The following MBNL2 variants were observed in gnomAD, a reference collection of about 807,000 sequenced individuals.
MBNL2 encodes muscleblind-like protein 2.
In MBNL2, 17 loss-of-function variants were observed where a neutral mutation model predicts 41.9. The observed-to-expected ratio is 0.41, with a 90% confidence interval of 0.28 to 0.61. The LOEUF is 0.61. MBNL2 is among the 20% of genes least tolerant of loss of function. The pLI is 0.35. For synonymous variants in MBNL2, 195 were observed against 182.9 expected (o/e 1.07, Z -0.53); for missense variants, 336 against 505.6 (o/e 0.66, Z 3.22).
At chr13:97,200,138 G>A in the MBNL2 span, among the ~76,000 whole-genome samples, 18 of 152,234 alleles carry the variant, frequency 1.2e-4, no homozygotes, top group Admixed American at 3.9e-4. Context: ...CAGCCTCCAT[G>A]CTGTGGGCCA....
At chr13:97,240,149 A>AG (rs2044003721) in intron 1 of MBNL2, among the ~76,000 whole-genome samples, 3 of 152,098 alleles carry the variant, frequency 2.0e-5, no homozygotes, top group Admixed American at 6.5e-5. Context: ...TGACTCGGGG[A>AG]GTCTGAGGTG....
intron 2 of MBNL2, among the ~76,000 whole-genome samples, chr13:97,303,937 T>C (rs906443984): frequency 1.3e-5 from 2 of 152,200 alleles, no homozygotes; most frequent in Non-Finnish European, 2.9e-5. Context: ...TTAGGCATAA[T>C]TGGATATACA....
chr13:97,147,569 A>T, the MBNL2 span, among the ~76,000 whole-genome samples: 4 of 152,090 alleles, frequency 2.6e-5, no homozygotes, highest in South Asian at 2.1e-4. Flanking sequence ...TCCATTTCTC[A>T]TGTTGTTTAA....
At position 97,366,328 on chromosome 13, in the gene MBNL2, G is replaced by T; in HGVS notation, c.1048+1157G>T. On this transcript the variant is annotated intron_variant, in intron 8 of 8. Coordinates refer to ENST00000679496, the MANE Select transcript of MBNL2 (RefSeq NM_001382683.1). The surrounding 1 kb of genome is among the most constrained non-coding windows in gnomAD (Gnocchi z 4.7). Reference sequence around the variant, plus strand: ...CCCATGCTTCCTTGCTTTGCATTGTGATTGCATGCCATCTGCTGGTTTAAC... The same window carrying T: ...CCCATGCTTCCTTGCTTTGCATTGTTATTGCATGCCATCTGCTGGTTTAAC... 5.1e-6 allele frequency: 3 copies of T among 583,958 alleles called. No individual in the cohort carries two copies. The highest frequency in any genetic ancestry group is 6.2e-6 in the Non-Finnish European group (2 of 320,868). The allele number at this position is 583,958 out of a possible 1,614,324, so 36.2% of individuals were successfully genotyped here.
chr13:97,265,230 ACT>A (rs1424170662), intron 1 of MBNL2, among the ~76,000 whole-genome samples: 131 of 152,296 alleles, frequency 8.6e-4, no homozygotes, highest in African/African-American at 2.9e-3. Context: ...GGATTTTATG[ACT>A]TTTTCACTTG....
chr13:97,301,990 C>T (rs1448466462), intron 2 of MBNL2, among the ~76,000 whole-genome samples: 1 of 152,140 alleles, frequency 6.6e-6, no homozygotes, highest in Non-Finnish European at 1.5e-5. Flanking sequence ...CATGAGGTGA[C>T]CATATTCCAG....
At chr13:97,158,607 A>G in the MBNL2 span, among the ~76,000 whole-genome samples, 14 of 150,864 alleles carry the variant, frequency 9.3e-5, 1 homozygote, top group Admixed American at 5.9e-4. Context: ...CTTTGTTCTC[A>G]TTGGTTTCAA....
At chr13:97,258,315 A>G (rs1050567243) in intron 1 of MBNL2, among the ~76,000 whole-genome samples, 1 of 152,008 alleles carries the variant, frequency 6.6e-6, no homozygotes. Flanking sequence ...AGATAAGAGG[A>G]ATTGTTGACT....
intron 2 of MBNL2, among the ~76,000 whole-genome samples, chr13:97,316,689 CTGCTGAAT>C (rs919205483): frequency 2.6e-5 from 4 of 152,196 alleles, no homozygotes; most frequent in African/African-American, 4.8e-5. Flanking sequence ...AAAGTCTTTG[CTGCTGAAT>C]TACTTTCTTA....
the MBNL2 span, among the ~76,000 whole-genome samples, chr13:97,203,065 G>A: frequency 2.0e-5 from 3 of 152,156 alleles, no homozygotes; most frequent in Admixed American, 2.0e-4. Context: ...AGAGTAATGG[G>A]TAGACCAGAA....
chr13:97,186,731 G>C, the MBNL2 span, among the ~76,000 whole-genome samples: 3 of 152,076 alleles, frequency 2.0e-5, no homozygotes, highest in Non-Finnish European at 4.4e-5. Context: ...TTTAAGATTA[G>C]GTTAGTATTA....
At chr13:97,175,998 A>T in the MBNL2 span, among the ~76,000 whole-genome samples, 1 of 152,038 alleles carries the variant, frequency 6.6e-6, no homozygotes, top group Non-Finnish European at 1.5e-5. Context: ...ATACTCAGAA[A>T]CCCCTGAGGT....
intron 1 of MBNL2, among the ~76,000 whole-genome samples, chr13:97,264,646 C>T (rs985595957): frequency 1.3e-5 from 2 of 152,132 alleles, no homozygotes; most frequent in African/African-American, 4.8e-5. Flanking sequence ...CTATGATTTT[C>T]ATTTGGTGAT....
intron 1 of MBNL2, among the ~76,000 whole-genome samples, chr13:97,260,553 T>G (rs987498580): frequency 6.6e-6 from 1 of 152,208 alleles, no homozygotes; most frequent in Admixed American, 6.5e-5. Flanking sequence ...AGGGGCCAAG[T>G]GCAGCTGGTG....
the MBNL2 span, among the ~76,000 whole-genome samples, chr13:97,159,111 T>TAGCTC: frequency 6.6e-6 from 1 of 152,182 alleles, no homozygotes; most frequent in Non-Finnish European, 1.5e-5. Flanking sequence ...TTATGATAGT[T>TAGCTC]AGCTCTTCTT....
At chr13:97,258,079 A>C (rs762311659) in intron 1 of MBNL2, among the ~76,000 whole-genome samples, 4 of 152,164 alleles carry the variant, frequency 2.6e-5, no homozygotes, top group Non-Finnish European at 5.9e-5. Context: ...AAACAGAAGG[A>C]TCTGTTCCCA....
chr13:97,153,505 G>T, the MBNL2 span, among the ~76,000 whole-genome samples: 4 of 152,108 alleles, frequency 2.6e-5, no homozygotes, highest in East Asian at 7.7e-4. Context: ...AAAGATTGTT[G>T]GGATTTTTAA....
At chr13:97,215,262 G>C in the MBNL2 span, among the ~76,000 whole-genome samples, 1 of 152,166 alleles carries the variant, frequency 6.6e-6, no homozygotes, top group Non-Finnish European at 1.5e-5. Flanking sequence ...TGGGACTTTT[G>C]CCTTAGTGCC....
intron 1 of MBNL2, among the ~76,000 whole-genome samples, chr13:97,236,139 CT>C (rs1418647752): frequency 6.6e-6 from 1 of 152,002 alleles, no homozygotes; most frequent in African/African-American, 2.4e-5. Flanking sequence ...TTATTTCCCT[CT>C]TTTTTTTCAC....
Sources: allele counts gnomAD v4.1 joint callset (sites outside exome capture counted in the v4.1 genomes callset), GRCh38; gene constraint gnomAD v4.1.1; non-coding constraint Gnocchi (gnomAD v3.1); transcripts MANE v1.5; gene names NCBI Gene and HGNC (gene_info 2026-07-23, HGNC 2026-07-21).